The following LGALS2 variants were observed in gnomAD, a reference collection of about 807,000 sequenced individuals.
LGALS2 encodes galectin-2.
LGALS2 carries 7 observed loss-of-function variants against 10.1 expected under a neutral mutation model. That is an observed-to-expected ratio of 0.70 (90% CI 0.40 to 1.31). The LOEUF is 1.31. LGALS2 is among the 50% of genes most tolerant of loss of function. The pLI, the probability that LGALS2 is intolerant of heterozygous loss-of-function variation, is 0.01. For synonymous variants in LGALS2, 86 were observed against 64.2 expected, an observed-to-expected ratio of 1.34 and a Z score of -1.63; for missense variants, 167 against 163.6, an observed-to-expected ratio of 1.02 and a Z score of -0.11.
At chr22:37,573,035 A>C (rs1925552116) in intron 1 of LGALS2, among the ~76,000 whole-genome samples, 1 of 151,818 alleles carries the variant, frequency 6.6e-6, no homozygotes, top group African/African-American at 2.4e-5. Context: ...GCACTTTGGA[A>C]GGCCGAGGCA....
rs1925473864 is a variant in LGALS2, at chr22:37,570,746, A to C, written c.90-11T>G. ...AGATTAATTACAAAGCTGCAGGAGA[A>C]GGGGTAGCAGGTGAGGTTCAGGGCT... is the stretch of plus-strand genomic sequence containing the variant. On this transcript the variant is annotated splice_polypyrimidine_tract_variant and intron_variant, in intron 2 of 3. Transcript: ENST00000215886. 3.1e-6 allele frequency: 5 copies of C among 1,613,996 alleles called. No individual in the cohort carries two copies. Among genetic ancestry groups the C allele is most frequent in the Non-Finnish European group, 4.2e-6 (5 of 1,179,994 alleles).
At chr22:37,570,809 G>A (rs1042025839) in intron 2 of LGALS2, 74 bp from the exon 3 acceptor site, 1 of 1,528,236 alleles carries the variant, frequency 6.5e-7, no homozygotes, top group African/African-American at 1.4e-5. Context: ...GAGGACCTTG[G>A]TTGACCACAA....
At chr22:37,579,646 C>CTGG (rs1391719708) in intron 1 of LGALS2, among the ~76,000 whole-genome samples, 1 of 152,056 alleles carries the variant, frequency 6.6e-6, no homozygotes, top group Non-Finnish European at 1.5e-5. Context: ...GTTGGTCAGG[C>CTGG]TGGTCTCAAA....
At chr22:37,572,605 A>C (rs1925533453) in intron 1 of LGALS2, among the ~76,000 whole-genome samples, 1 of 151,794 alleles carries the variant, frequency 6.6e-6, no homozygotes, top group Admixed American at 6.6e-5. Flanking sequence ...ATCTCTACTA[A>C]AAATACAAAA....
At chr22:37,572,351 G>A (rs1925523953) in intron 1 of LGALS2, among the ~76,000 whole-genome samples, 1 of 152,248 alleles carries the variant, frequency 6.6e-6, no homozygotes, top group South Asian at 2.1e-4. Flanking sequence ...ACTAAATCTG[G>A]CCAGGTGCAG....
intron 1 of LGALS2, among the ~76,000 whole-genome samples, chr22:37,572,955 G>A (rs760882414): frequency 2.0e-4 from 29 of 147,488 alleles, no homozygotes; most frequent in Middle Eastern, 3.7e-3. Flanking sequence ...TGGGCGACAA[G>A]AGTGACTTTT....
At chr22:37,575,548 C>T (rs566783596) in intron 1 of LGALS2, among the ~76,000 whole-genome samples, 1 of 152,042 alleles carries the variant, frequency 6.6e-6, no homozygotes, top group South Asian at 2.1e-4. Flanking sequence ...ACAGCCTTGA[C>T]CTCTTGGGCT....
At chr22:37,577,453 G>A (rs541979629) in intron 1 of LGALS2, among the ~76,000 whole-genome samples, 4 of 150,148 alleles carry the variant, frequency 2.7e-5, no homozygotes, top group African/African-American at 7.4e-5. Flanking sequence ...GGGTTCAACC[G>A]ATTCTCCTGC....
At chr22:37,576,135 G>A (rs1925665647) in intron 1 of LGALS2, among the ~76,000 whole-genome samples, 1 of 152,112 alleles carries the variant, frequency 6.6e-6, no homozygotes, top group African/African-American at 2.4e-5. Context: ...CCAGATTTTG[G>A]AGCCAGACAG....
At chr22:37,572,752 G>T (rs1433049628) in intron 1 of LGALS2, among the ~76,000 whole-genome samples, 2 of 138,810 alleles carry the variant, frequency 1.4e-5, no homozygotes, top group African/African-American at 5.4e-5. Context: ...GGGCGACAGA[G>T]CGAAACTCCA....
chr22:37,571,348 CAT>C (rs1925492412), intron 2 of LGALS2, among the ~76,000 whole-genome samples: 1 of 152,238 alleles, frequency 6.6e-6, no homozygotes, highest in African/African-American at 2.4e-5. Context: ...GATGCGCTGA[CAT>C]GTTCTGCAGG....
At chr22:37,571,778 TGCCCTGCCTGCCCCACCC>T (rs1925504887) in intron 2 of LGALS2, 53 bp downstream of exon 2, 17 of 1,247,576 alleles carry the variant, frequency 1.4e-5, no homozygotes, top group Non-Finnish European at 2.0e-5. Context: ...TTCACAGGGC[TGCCCTGCCTGCCCCACCC>T]GCCCTGCCTA....
At chr22:37,576,482 C>G (rs1023358629) in intron 1 of LGALS2, among the ~76,000 whole-genome samples, 5 of 149,310 alleles carry the variant, frequency 3.3e-5, no homozygotes, top group Non-Finnish European at 7.4e-5. Context: ...AAAAATCAGT[C>G]TCTCACTGAC....
In LGALS2 at chr22:37,571,917, A is replaced by C; in HGVS notation, c.21T>G (p.Val7=). The change falls in exon 2 of 4, where the codon GTT becomes GTG. Residue 7 remains valine, a synonymous_variant. Transcript: ENST00000215886. ...ACCCCGGCTTCATGTCCATGTTCTT[A>C]ACCTCAAGTTCCCCCTGGGCCAACA... is the stretch of plus-strand genomic sequence containing the variant. MTGELE[V]KNMDMKPGST... is the part of the protein sequence containing the mutation. 6.2e-7 allele frequency: 1 copy of C among 1,613,990 alleles called. No individual in the cohort carries two copies. Among genetic ancestry groups the C allele is most frequent in the Admixed American group, 1.7e-5 (1 of 60,024 alleles).
rs56410387 is a variant in LGALS2 at position 37,574,499 on chromosome 22, T to TAAA, written c.7-2571_7-2569dup. Among the ~76,000 whole-genome samples, 116 of 119,958 alleles carry TAAA rather than the reference T, an allele frequency of 9.7e-4. 1 individual carries two copies. Among genetic ancestry groups the TAAA allele is most frequent in the African/African-American group, 1.4e-3 (44 of 31,060 alleles). The allele number at this position is 119,958 out of a possible 152,430, so 78.7% of individuals were successfully genotyped here. ...CCAGGCGACAGAGCAAGACTCTGTC[T>TAAA]AAAAAAAAAAAAAAAAAAAAACTCA... On this transcript the variant is annotated intron_variant, in intron 1 of 3. Transcript: ENST00000215886.
chr22:37,576,324 C>T (rs1019262637), intron 1 of LGALS2, among the ~76,000 whole-genome samples: 4 of 151,812 alleles, frequency 2.6e-5, no homozygotes, highest in East Asian at 2.0e-4. Context: ...TGGTGGCAGG[C>T]GCCTGTAGTC....
At chr22:37,577,128 T>C (rs1027821414) in intron 1 of LGALS2, among the ~76,000 whole-genome samples, 1 of 151,880 alleles carries the variant, frequency 6.6e-6, no homozygotes. Context: ...TGATATGGCC[T>C]CTGGAGCTGG....
chr22:37,575,366 C>T (rs1925642472), intron 1 of LGALS2, among the ~76,000 whole-genome samples: 1 of 151,876 alleles, frequency 6.6e-6, no homozygotes, highest in African/African-American at 2.4e-5. Flanking sequence ...TGCCACCATG[C>T]CCAGCTAATT....
intron 2 of LGALS2, 60 bp downstream of exon 2, chr22:37,571,788 GC>G: frequency 7.2e-7 from 1 of 1,388,118 alleles, no homozygotes. Context: ...TGCCCTGCCT[GC>G]CCCACCCGCC....
Sources: allele counts gnomAD v4.1 joint callset (sites outside exome capture counted in the v4.1 genomes callset), GRCh38; gene constraint gnomAD v4.1.1; transcripts MANE v1.5; gene names NCBI Gene and HGNC (gene_info 2026-07-23, HGNC 2026-07-21).